The following SDK1 variants were observed in gnomAD, a reference collection of about 807,000 sequenced individuals.
SDK1 encodes protein sidekick-1.
A neutral mutation model predicts 245.5 loss-of-function variants in SDK1; 157 were observed. The observed-to-expected ratio is 0.64, with a 90% CI of 0.56 to 0.73. SDK1 has a LOEUF of 0.73. SDK1 is among the 30% of genes least tolerant of loss of function. The pLI is 0.00. For synonymous variants in SDK1, 1,647 were observed against 1,278.5 expected (o/e 1.29, Z -6.15); for missense variants, 3,583 against 3,002.3 (o/e 1.19, Z -4.52).
intron 4 of SDK1, among the ~76,000 whole-genome samples, chr7:3,795,697 A>C (rs1043242887): frequency 2.0e-5 from 3 of 152,140 alleles, no homozygotes; most frequent in African/African-American, 7.2e-5. Context: ...GAGGACAGAT[A>C]CCTGACTTAA....
chr7:4,143,097 G>A (rs1048432568), intron 28 of SDK1, among the ~76,000 whole-genome samples: 4 of 152,146 alleles, frequency 2.6e-5, no homozygotes, highest in Admixed American at 2.0e-4. Flanking sequence ...GCAAAGTTGG[G>A]GGTGTCACTC....
intron 25 of SDK1, among the ~76,000 whole-genome samples, chr7:4,126,849 ATACC>A (rs1784421916): frequency 6.6e-6 from 1 of 152,228 alleles, no homozygotes; most frequent in Non-Finnish European, 1.5e-5. Context: ...AGGGGTAACG[ATACC>A]TACTTCATTG....
intron 1 of SDK1, among the ~76,000 whole-genome samples, chr7:3,332,208 T>C (rs1780085696): frequency 6.6e-6 from 1 of 152,202 alleles, no homozygotes; most frequent in South Asian, 2.1e-4. Context: ...TTTAAAAAAT[T>C]TCTTTATTGA....
chr7:3,569,858 G>C (rs555096165), intron 1 of SDK1, among the ~76,000 whole-genome samples: 1 of 152,302 alleles, frequency 6.6e-6, no homozygotes, highest in Admixed American at 6.5e-5. Flanking sequence ...ACACGCAGTT[G>C]GTACGTTGTT....
chr7:3,541,399 G>A (rs1779049935), intron 1 of SDK1, among the ~76,000 whole-genome samples: 1 of 152,168 alleles, frequency 6.6e-6, no homozygotes, highest in Admixed American at 6.5e-5. Context: ...GTCATTGGGT[G>A]GACTTCCATG....
intron 1 of SDK1, among the ~76,000 whole-genome samples, chr7:3,519,702 G>C (rs1427731296): frequency 6.6e-6 from 1 of 152,034 alleles, no homozygotes; most frequent in Admixed American, 6.6e-5. Context: ...AATATGTAGA[G>C]GATTAGTAAT....
At chr7:3,757,160 C>G (rs1332279439) in intron 4 of SDK1, among the ~76,000 whole-genome samples, 1 of 152,174 alleles carries the variant, frequency 6.6e-6, no homozygotes, top group African/African-American at 2.4e-5. Flanking sequence ...ACCCCCACTT[C>G]AGATCCCAGG....
chr7:4,216,586 C>T lies in SDK1; in HGVS notation c.5540-3523C>T, dbSNP rs187795226. On this transcript the variant is annotated intron_variant, in intron 38 of 44. Transcript: ENST00000404826. ...CGTGTCCCAGGGAAACAGTTGCAAA[C>T]GCAGTGAAACATCAGGCATCCTTGA... 5.4e-3 allele frequency among the ~76,000 whole-genome samples: 828 copies of T among 152,306 alleles called. 3 individuals carry two copies. The highest frequency in any genetic ancestry group is 8.1e-3 in the Non-Finnish European group (550 of 68,028).
At chr7:3,678,348 C>CA (rs1783973857) in intron 4 of SDK1, among the ~76,000 whole-genome samples, 1 of 152,116 alleles carries the variant, frequency 6.6e-6, no homozygotes, top group Non-Finnish European at 1.5e-5. Context: ...TTCACAACAG[C>CA]AAAAATGTAG....
intron 28 of SDK1, among the ~76,000 whole-genome samples, chr7:4,139,735 G>A (rs559000965): frequency 1.3e-4 from 18 of 141,114 alleles, no homozygotes; most frequent in African/African-American, 4.9e-4. Flanking sequence ...GTGTGTGTGT[G>A]TATGTGTGTG....
At chr7:3,511,185 G>A (rs972894198) in intron 1 of SDK1, among the ~76,000 whole-genome samples, 1 of 152,204 alleles carries the variant, frequency 6.6e-6, no homozygotes, top group Non-Finnish European at 1.5e-5. Context: ...ACCATAGTCT[G>A]TGTTAATAGG....
intron 1 of SDK1, among the ~76,000 whole-genome samples, chr7:3,539,832 T>C (rs1779002273): frequency 6.6e-6 from 1 of 152,184 alleles, no homozygotes; most frequent in African/African-American, 2.4e-5. Flanking sequence ...CTGCCCATTC[T>C]AGGATGATAA....
intron 38 of SDK1, among the ~76,000 whole-genome samples, chr7:4,212,223 A>G (rs569319908): frequency 6.6e-6 from 1 of 152,194 alleles, no homozygotes; most frequent in East Asian, 1.9e-4. Flanking sequence ...GATGAAACGG[A>G]GTTGATTTGA....
intron 37 of SDK1, among the ~76,000 whole-genome samples, chr7:4,208,817 T>C (rs1226475953): frequency 6.6e-6 from 1 of 152,222 alleles, no homozygotes; most frequent in Non-Finnish European, 1.5e-5. Flanking sequence ...GCTGCGCTGC[T>C]GTGGCCTCAT....
chr7:3,320,253 C>T (rs149458623), intron 1 of SDK1, among the ~76,000 whole-genome samples: 3 of 148,150 alleles, frequency 2.0e-5, no homozygotes, highest in African/African-American at 7.6e-5. Flanking sequence ...TCTTTGCCAT[C>T]GTTTGCAGTT....
intron 1 of SDK1, among the ~76,000 whole-genome samples, chr7:3,379,502 A>G (rs1781433441): frequency 6.6e-6 from 1 of 152,138 alleles, no homozygotes; most frequent in Admixed American, 6.5e-5. Flanking sequence ...GGATGGGGAA[A>G]GACCTTTATT....
intron 37 of SDK1, among the ~76,000 whole-genome samples, chr7:4,208,736 G>A (rs899547934): frequency 1.3e-5 from 2 of 152,168 alleles, no homozygotes; most frequent in Non-Finnish European, 2.9e-5. Context: ...TGGGTCTCAG[G>A]GCCACAGACC....
chr7:3,559,202 C>G (rs954345380), intron 1 of SDK1, among the ~76,000 whole-genome samples: 3 of 152,102 alleles, frequency 2.0e-5, no homozygotes, highest in African/African-American at 7.2e-5. Context: ...AAATTCCAAA[C>G]AGAATAATGA....
Position 3,762,179 on chromosome 7 carries a change from CT to C in SDK1, c.714-59268del, listed in dbSNP as rs1780125384. Among the ~76,000 whole-genome samples the C allele has an allele frequency of 4.6e-5, 7 of 152,306 alleles. No individual in the cohort carries two copies. In the South Asian group the frequency reaches 1.2e-3, roughly 27 times the overall value. The stretch of plus-strand genomic sequence containing the variant: ...AAATCTAAATACTCCTACAACAATC[CT>C]TTCAGCTTAGATCCGTGGTTTCTAG... On this transcript the variant is annotated intron_variant, in intron 4 of 44. Transcript: ENST00000404826.
Sources: gnomAD v4.1 joint callset for allele counts (sites outside exome capture counted in the v4.1 genomes callset) on GRCh38, gnomAD v4.1.1 for gene constraint, MANE v1.5 for transcripts, NCBI Gene and HGNC (gene_info 2026-07-23, HGNC 2026-07-21) for gene names.